The following CHCHD6 variants were observed in gnomAD, a reference collection of about 807,000 sequenced individuals.
CHCHD6 encodes the protein coiled-coil-helix-coiled-coil-helix domain containing 6, also known as MICOS complex subunit MIC25.
A neutral mutation model predicts 32.3 loss-of-function variants in CHCHD6; 28 were observed. The observed-to-expected ratio is 0.87, with a 90% CI of 0.64 to 1.19. The LOEUF (loss-of-function observed/expected upper bound fraction) is 1.19, where lower values mean the gene tolerates loss of function less well. CHCHD6 is among the 50% of genes most tolerant of loss of function. CHCHD6 has a pLI of 0.00. For synonymous variants in CHCHD6, 122 were observed against 117.5 expected (o/e 1.04, Z -0.25); for missense variants, 333 against 307.0 (o/e 1.08, Z -0.63).
chr3:126,871,418 C>G (rs528958371), intron 5 of CHCHD6, among the ~76,000 whole-genome samples: 1 of 152,102 alleles, frequency 6.6e-6, no homozygotes, highest in Non-Finnish European at 1.5e-5. Context: ...GGTGCTTCTA[C>G]GAAAACTTCC....
chr3:126,934,000 G>A (rs2078442236), intron 6 of CHCHD6, among the ~76,000 whole-genome samples: 1 of 152,106 alleles, frequency 6.6e-6, no homozygotes, highest in Non-Finnish European at 1.5e-5. Flanking sequence ...TTCTGTGTTG[G>A]GATTCTGCGC....
At chr3:126,957,058 G>T in intron 6 of CHCHD6, 1 of 323,988 alleles carries the variant, frequency 3.1e-6, no homozygotes, top group East Asian at 6.2e-5. Flanking sequence ...AGCGGGGCGG[G>T]TTGTCCTGGA....
intron 4 of CHCHD6, among the ~76,000 whole-genome samples, chr3:126,745,112 C>A (rs1056096983): frequency 6.6e-6 from 1 of 152,310 alleles, no homozygotes; most frequent in Middle Eastern, 3.4e-3. Flanking sequence ...GTCGCAGGGC[C>A]ACCTCTAGCT....
chr3:126,864,597 CCTT>C (rs1159673811), intron 5 of CHCHD6, among the ~76,000 whole-genome samples: 4 of 147,570 alleles, frequency 2.7e-5, no homozygotes, highest in Non-Finnish European at 5.9e-5. Context: ...TCCACCACCT[CCTT>C]CTCCTCCACC....
intron 6 of CHCHD6, among the ~76,000 whole-genome samples, chr3:126,953,338 G>C (rs1269705234): frequency 2.0e-5 from 3 of 152,222 alleles, no homozygotes; most frequent in Non-Finnish European, 4.4e-5. Flanking sequence ...GGCTGGGCGA[G>C]GTCTGAACTA....
At chr3:126,738,765 T>G (rs1936165999) in intron 4 of CHCHD6, among the ~76,000 whole-genome samples, 1 of 152,188 alleles carries the variant, frequency 6.6e-6, no homozygotes, top group South Asian at 2.1e-4. Flanking sequence ...TGGGTGACAA[T>G]TCAAAGGTCT....
intron 4 of CHCHD6, among the ~76,000 whole-genome samples, chr3:126,743,055 T>C (rs1936346064): frequency 6.6e-6 from 1 of 151,998 alleles, no homozygotes; most frequent in Non-Finnish European, 1.5e-5. Context: ...TGTGGTGTCA[T>C]TGAGCAAGGA....
chr3:126,846,689 CTTTT>C (rs1239330043), intron 4 of CHCHD6, among the ~76,000 whole-genome samples: 1 of 152,140 alleles, frequency 6.6e-6, no homozygotes, highest in Admixed American at 6.5e-5. Flanking sequence ...TGATATTTAC[CTTTT>C]TCTACTAGGT....
rs571792827 is a variant in CHCHD6 at position 126,753,980 on chromosome 3, CG to C, written c.411+20763del. ...GTGGTGTATAAATTCCATGTGGAGG[CG>C]GGGGATCCTGTTAGAATTATTCACA... On this transcript the variant is annotated intron_variant, in intron 4 of 7. Transcript: ENST00000290913. 5.3e-4 allele frequency among the ~76,000 whole-genome samples: 81 copies of C among 152,212 alleles called. 1 individual carries two copies. Among genetic ancestry groups the C allele is most frequent in the African/African-American group, 1.9e-3 (79 of 41,530 alleles).
chr3:126,745,173 C>T (rs1047100157), intron 4 of CHCHD6, among the ~76,000 whole-genome samples: 4 of 152,090 alleles, frequency 2.6e-5, no homozygotes, highest in African/African-American at 7.2e-5. Context: ...ACGTGACTGC[C>T]CCAAACAAAA....
intron 6 of CHCHD6, among the ~76,000 whole-genome samples, chr3:126,929,582 T>C (rs1332115839): frequency 1.3e-5 from 2 of 152,178 alleles, no homozygotes; most frequent in Non-Finnish European, 2.9e-5. Context: ...TCTTTTTTTT[T>C]TGAGACAGGG....
At position 126,707,343 on chromosome 3, in the gene CHCHD6, A is replaced by G. The variant is rs368819299; in HGVS notation, c.87+2944A>G. Among the ~76,000 whole-genome samples the G allele has an allele frequency of 6.1e-4, 93 of 152,330 alleles. No homozygotes were observed. In the South Asian group the frequency reaches 7.9e-3, roughly 13 times the overall value. ...TGCATAAATTCACAAAGTGTGTTCA[A>G]ACCGTAATTCCATGGAAGGTAAAAG... On this transcript the variant is annotated intron_variant, in intron 1 of 7. Coordinates refer to ENST00000290913, the MANE Select transcript of CHCHD6 (RefSeq NM_032343.3).
At chr3:126,886,917 C>T in intron 5 of CHCHD6, among the ~76,000 whole-genome samples, 1 of 152,176 alleles carries the variant, frequency 6.6e-6, no homozygotes, top group East Asian at 1.9e-4. Flanking sequence ...TTCCCTTCCA[C>T]CCTCCCTTCA....
intron 4 of CHCHD6, among the ~76,000 whole-genome samples, chr3:126,831,016 C>A (rs904287398): frequency 6.6e-6 from 1 of 151,376 alleles, no homozygotes; most frequent in African/African-American, 2.4e-5. Flanking sequence ...CCTGGGCGGC[C>A]CTGCCAGTCT....
At chr3:126,785,847 C>CT (rs1938176363) in intron 4 of CHCHD6, among the ~76,000 whole-genome samples, 1 of 152,066 alleles carries the variant, frequency 6.6e-6, no homozygotes, top group Non-Finnish European at 1.5e-5. Flanking sequence ...ATTTATCATA[C>CT]TTTAAGTTCT....
At chr3:126,886,010 C>T (rs1033934342) in intron 5 of CHCHD6, among the ~76,000 whole-genome samples, 6 of 152,132 alleles carry the variant, frequency 3.9e-5, no homozygotes, top group African/African-American at 1.4e-4. Flanking sequence ...AGCACTGCAG[C>T]CATGCTAGAA....
In CHCHD6 at chr3:126,761,150, C is replaced by A. The variant is rs1363015922; in HGVS notation, c.411+27928C>A. 5.3e-5 allele frequency among the ~76,000 whole-genome samples: 8 copies of A among 152,188 alleles called. No homozygotes were observed. In the South Asian group the frequency reaches 1.2e-3, roughly 24 times the overall value. On this transcript the variant is annotated intron_variant, in intron 4 of 7. Transcript: ENST00000290913. ...TTGCCAATATATATATACGCACACA[C>A]CCCCATAAGTAAAATTGTTGGATCA... is the stretch of plus-strand genomic sequence containing the variant.
chr3:126,704,285 G>A lies in CHCHD6; in HGVS notation c.-28G>A. 5 of 1,590,634 alleles carry A rather than the reference G, an allele frequency of 3.1e-6. No individual in the cohort carries two copies. Among genetic ancestry groups the A allele is most frequent in the Non-Finnish European group, 4.3e-6 (5 of 1,167,730 alleles). ...GCTCTGGAGCCGGGTCTCGGGTCTG[G>A]TGGCTGCCGGCCCTGCGGCATCTCG... On this transcript the variant is annotated 5_prime_UTR_variant, in exon 1 of 8. In the 5' UTR this introduces an upstream ATG that the reference lacks. Coordinates refer to ENST00000290913, the MANE Select transcript of CHCHD6 (RefSeq NM_032343.3).
intron 6 of CHCHD6, among the ~76,000 whole-genome samples, chr3:126,933,418 G>T (rs1466539469): frequency 1.3e-5 from 2 of 152,166 alleles, no homozygotes; most frequent in Non-Finnish European, 2.9e-5. Context: ...AATACTTGAG[G>T]CTGGGTAATT....
Sources: gnomAD v4.1 joint callset for allele counts (sites outside exome capture counted in the v4.1 genomes callset) on GRCh38, gnomAD v4.1.1 for gene constraint, MANE v1.5 for transcripts, NCBI Gene and HGNC (gene_info 2026-07-23, HGNC 2026-07-21) for gene names.